The following DNASE1 variants were observed in gnomAD, a reference collection of about 807,000 sequenced individuals.
DNASE1 encodes the protein deoxyribonuclease 1.
A neutral mutation model predicts 33.9 loss-of-function variants in DNASE1; 40 were observed. That is an observed-to-expected ratio of 1.18 (90% confidence interval 0.92 to 1.54). DNASE1 has a LOEUF of 1.54. DNASE1 is among the 40% of genes most tolerant of loss of function. The pLI is 0.00. For synonymous variants in DNASE1, 216 were observed against 160.0 expected, an observed-to-expected ratio of 1.35 and a Z score of -2.64; for missense variants, 518 against 372.6, an observed-to-expected ratio of 1.39 and a Z score of -3.21.
intron 4 of DNASE1, 123 bp downstream of exon 4, chr16:3,656,308 A>G (rs374818360): frequency 1.8e-5 from 20 of 1,101,408 alleles, no homozygotes; most frequent in South Asian, 7.8e-5. Flanking sequence ...AGCAGGGTCC[A>G]GGGTGGAGTG....
intron 1 of DNASE1, among the ~76,000 whole-genome samples, chr16:3,649,071 C>T (rs1213542970): frequency 1.3e-5 from 2 of 152,138 alleles, no homozygotes; most frequent in Admixed American, 1.3e-4. Flanking sequence ...TCATTTAGAT[C>T]TAGAGGTTTG....
chr16:3,662,706 G>A, downstream of DNASE1: 1 of 706,580 alleles, frequency 1.4e-6, no homozygotes, highest in Non-Finnish European at 2.6e-6. Flanking sequence ...TCCTGCCTCA[G>A]CGGCACTCCC....
chr16:3,629,063 T>C (rs770006816), intron 1 of DNASE1, among the ~76,000 whole-genome samples: 1 of 149,572 alleles, frequency 6.7e-6, no homozygotes, highest in Middle Eastern at 3.3e-3. Flanking sequence ...TCCCAGCTAC[T>C]TGGGAAGCTG....
chr16:3,626,989 C>T (rs539958271), intron 1 of DNASE1, among the ~76,000 whole-genome samples: 4 of 152,030 alleles, frequency 2.6e-5, no homozygotes, highest in South Asian at 2.1e-4. Flanking sequence ...CTCCTGCCTC[C>T]GTCTTCTGAG....
chr16:3,616,910 C>A (rs79977405), intron 1 of DNASE1, among the ~76,000 whole-genome samples: 8,129 of 152,086 alleles, frequency 0.053, 273 homozygotes, highest in Admixed American at 0.072. Flanking sequence ...GTAGTGTCTT[C>A]CACAAATGGA....
chr16:3,627,893 C>T (rs564789298), intron 1 of DNASE1, among the ~76,000 whole-genome samples: 7 of 137,338 alleles, frequency 5.1e-5, no homozygotes, highest in Admixed American at 8.3e-5. Context: ...ATCTGGGGTC[C>T]GTGGAGATTC....
intron 7 of DNASE1, 91 bp downstream of exon 7, chr16:3,657,432 T>G (rs1310442501): frequency 6.6e-7 from 1 of 1,521,280 alleles, no homozygotes; most frequent in African/African-American, 1.4e-5. Context: ...TCAAAGCCTT[T>G]GAACACTCAC....
intron 1 of DNASE1, among the ~76,000 whole-genome samples, chr16:3,637,038 C>T (rs191548652): frequency 3.3e-5 from 5 of 151,748 alleles, no homozygotes; most frequent in South Asian, 2.1e-4. Context: ...GCAGGAGAAT[C>T]GCTTGAACCC....
chr16:3,636,293 A>C (rs1214530048), intron 1 of DNASE1, among the ~76,000 whole-genome samples: 1 of 151,836 alleles, frequency 6.6e-6, no homozygotes, highest in Non-Finnish European at 1.5e-5. Flanking sequence ...TTGAGTCTTT[A>C]TCTCTGCTGA....
In DNASE1 at chr16:3,656,620, T is replaced by C. The variant is rs564896814; in HGVS notation, c.321-18T>C. On this transcript the variant is annotated intron_variant, in intron 4 of 8. Coordinates refer to ENST00000246949, the MANE Select transcript of DNASE1 (RefSeq NM_005223.4). ...CTTCCAGCCTGGGGTCACCTCCTCC[T>C]GCCCGGCCTTCCCGCAGGCCTGACC... 9 of 1,598,482 alleles carry C rather than the reference T, an allele frequency of 5.6e-6. No individual in the cohort carries two copies. The highest frequency in any genetic ancestry group is 7.7e-6 in the Non-Finnish European group (9 of 1,171,868).
chr16:3,655,594 A>G lies in DNASE1; in HGVS notation c.147+74A>G, dbSNP rs1596645754. On this transcript the variant is annotated intron_variant, in intron 2 of 8. Transcript: ENST00000246949. ...AGGGCTGGTGGGCAGGGCCAGCCCTATGGAGCCACAGGGTGTCGGGTGTGG... is the reference window on the plus strand; with the variant it reads ...AGGGCTGGTGGGCAGGGCCAGCCCTGTGGAGCCACAGGGTGTCGGGTGTGG... 3.1e-6 allele frequency: 5 copies of G among 1,604,914 alleles called. No homozygotes were observed. In the East Asian group the frequency reaches 8.9e-5, roughly 29 times the overall value.
At chr16:3,658,731 A>T (rs937979108), downstream of DNASE1, 6 of 1,502,912 alleles carry the variant, frequency 4.0e-6, no homozygotes, top group African/African-American at 1.4e-5. Flanking sequence ...TTCCACCCTG[A>T]AGGCAGGCTG....
upstream of DNASE1, chr16:3,652,870 T>G (rs375112687): frequency 6.6e-6 from 1 of 152,376 alleles, no homozygotes; most frequent in Non-Finnish European, 1.5e-5. Context: ...GCAGTTCTCA[T>G]ACCTGAATCC....
downstream of DNASE1, chr16:3,659,052 G>T (rs759461492): frequency 4.9e-6 from 3 of 608,156 alleles, no homozygotes; most frequent in East Asian, 3.0e-5. Flanking sequence ...AGAGAATCAG[G>T]AGTGTCAGTA....
downstream of DNASE1, chr16:3,662,926 C>T (rs2043168421): frequency 1.2e-6 from 2 of 1,612,952 alleles, no homozygotes; most frequent in Middle Eastern, 1.6e-4. Context: ...CTCATCCAGG[C>T]CATGAGCTCC....
rs754427838 is a variant in DNASE1, at chr16:3,655,846, C to T, written c.148-3C>T. On this transcript the variant is annotated splice_polypyrimidine_tract_variant and splice_region_variant and intron_variant, in intron 2 of 8. Coordinates refer to ENST00000246949, the MANE Select transcript of DNASE1 (RefSeq NM_005223.4). Reference sequence around the variant, plus strand: ...CTCAGCACCACTGTGGCCCTGCCCCCAGATCCTGAGCCGCTATGACATCGC... The same window carrying T: ...CTCAGCACCACTGTGGCCCTGCCCCTAGATCCTGAGCCGCTATGACATCGC... 1.2e-6 allele frequency: 2 copies of T among 1,613,330 alleles called. No homozygotes were observed. Among genetic ancestry groups the T allele is most frequent in the South Asian group, 1.1e-5 (1 of 91,082 alleles).
intron 1 of DNASE1, among the ~76,000 whole-genome samples, chr16:3,622,029 T>G (rs2041334524): frequency 6.6e-6 from 1 of 152,110 alleles, no homozygotes; most frequent in South Asian, 2.1e-4. Context: ...AAGAACAGCG[T>G]GGCCAACATG....
At chr16:3,620,571 C>G (rs1179663374) in intron 1 of DNASE1, among the ~76,000 whole-genome samples, 2 of 151,704 alleles carry the variant, frequency 1.3e-5, no homozygotes, top group Non-Finnish European at 2.9e-5. Context: ...GAGCATTTCT[C>G]TAAGTCAGTA....
downstream of DNASE1, chr16:3,662,148 G>A (rs748143602): frequency 1.1e-4 from 173 of 1,605,994 alleles, 1 homozygote; most frequent in South Asian, 2.1e-4. Context: ...AGCAAAGCCC[G>A]GGGTTGAGGG....
Sources: allele counts gnomAD v4.1 joint callset (sites outside exome capture counted in the v4.1 genomes callset), GRCh38; gene constraint gnomAD v4.1.1; transcripts MANE v1.5; gene names NCBI Gene and HGNC (gene_info 2026-07-23, HGNC 2026-07-21).